SLC38A10: variants seen among roughly 807,000 people sequenced by gnomAD.
SLC38A10 encodes the protein Sodium-coupled neutral amino acid transporter 10.
SLC38A10 carries 53 observed loss-of-function variants against 81.0 expected under a neutral mutation model. That is an observed-to-expected ratio of 0.65 (90% CI 0.53 to 0.82). The LOEUF is 0.82. Ranked by LOEUF, SLC38A10 falls within the 40% of genes least tolerant of loss-of-function variation. SLC38A10 has a pLI of 0.00. For synonymous variants in SLC38A10, 665 were observed against 655.3 expected, an observed-to-expected ratio of 1.01 and a Z score of -0.23; for missense variants, 1,471 against 1,545.0, an observed-to-expected ratio of 0.95 and a Z score of 0.80.
chr17:81,283,097 C>T lies in SLC38A10; in HGVS notation c.357+312G>A, dbSNP rs190353085. On this transcript the variant is annotated intron_variant, in intron 4 of 15. Transcript: ENST00000374759. This position sits in a 1 kb window ranked among gnomAD's most constrained non-coding sequence, Gnocchi z 4.7. ...AGGCCGGGGATGCCTGAGGGCCTGG[C>T]CGCCTCTGCCCTCCAATGGGCAGCC... 6.6e-6 allele frequency among the ~76,000 whole-genome samples: 1 copy of T among 152,282 alleles called. No individual in the cohort carries two copies. Among genetic ancestry groups the T allele is most frequent in the South Asian group, 2.1e-4 (1 of 4,830 alleles).
chr17:81,281,562 G>A lies in SLC38A10; in HGVS notation c.501+627C>T, dbSNP rs1383728048. ...GAGGCTGAGGCGGGTGGGTAACAAG[G>A]TCAGGAGTTCGAGACCAGCCTGGCC... On this transcript the variant is annotated intron_variant, in intron 5 of 15. Transcript: ENST00000374759. This position sits in a 1 kb window ranked among gnomAD's most constrained non-coding sequence, Gnocchi z 5.3. 1.3e-5 allele frequency among the ~76,000 whole-genome samples: 2 copies of A among 152,108 alleles called. No individual in the cohort carries two copies. Among genetic ancestry groups the A allele is most frequent in the African/African-American group, 4.8e-5 (2 of 41,422 alleles).
intron 3 of SLC38A10, among the ~76,000 whole-genome samples, chr17:81,284,472 C>T (rs960396599): frequency 5.3e-5 from 8 of 152,154 alleles, no homozygotes; most frequent in African/African-American, 1.7e-4. Context: ...CCTAGAAGTG[C>T]AATCTCCCAG....
rs771641430 is a variant in SLC38A10, at chr17:81,245,863, G to A, written c.3053C>T (p.Pro1018Leu). 4 of 1,612,180 alleles carry A rather than the reference G, an allele frequency of 2.5e-6. No individual in the cohort carries two copies. The African/African-American group carries it at 5.3e-5, about 22-fold the overall frequency. The change falls in exon 16 of 16, where the codon CCA becomes CTA. Residue 1018 changes from proline (P) to leucine (L), a missense_variant. By Grantham distance (98) the Pro-to-Leu change is moderately conservative (BLOSUM62 -3). Around this residue, in one of 2 missense-constraint regions of SLC38A10, gnomAD observed 751 missense variants for 717.4 expected, o/e 1.05. Transcript: ENST00000374759. The stretch of plus-strand genomic sequence containing the variant: ...GACAGCTCGTTTGAGCCCCAGCTCT[G>A]GCTCTGGCCTCTGCCTGGGCTCCTG... ...AVQEPRQRPE[P>L]ELGLKRAVPG...
intron 8 of SLC38A10, among the ~76,000 whole-genome samples, chr17:81,275,009 GATCCT>G (rs1266569556): frequency 6.6e-6 from 1 of 152,292 alleles, no homozygotes; most frequent in East Asian, 1.9e-4. Context: ...TGGTTCAAGT[GATCCT>G]CCTGCCTCAG....
chr17:81,280,294 G>A (rs909514544), intron 6 of SLC38A10: 4 of 483,334 alleles, frequency 8.3e-6, no homozygotes, highest in East Asian at 4.2e-5. Flanking sequence ...CGAAGCGCTC[G>A]ACTCTGTGCA....
intron 13 of SLC38A10, 127 bp downstream of exon 13, chr17:81,252,068 C>T: frequency 7.4e-7 from 1 of 1,352,772 alleles, no homozygotes; most frequent in Admixed American, 2.6e-5. Flanking sequence ...GCTCCATTTG[C>T]ATGCTAATCT....
In SLC38A10 at chr17:81,252,530, T is replaced by G. The variant is rs1342126036; in HGVS notation, c.1610A>C (p.Gln537Pro). ...AGGKAPGVQG[Q>P]MAPPLPDSER... The stretch of plus-strand genomic sequence containing the variant: ...TGAGTCGGGCAGAGGCGGCGCCATC[T>G]GGCCCTGGACCCCTGGAGCCTTTCC... The change falls in exon 13 of 16, where the codon CAG becomes CCG. Residue 537 changes from glutamine (Q) to proline (P), a missense_variant. Around this residue, in one of 2 missense-constraint regions of SLC38A10, gnomAD observed 720 missense variants for 827.7 expected, o/e 0.87. Coordinates refer to ENST00000374759, the MANE Select transcript of SLC38A10 (RefSeq NM_001037984.3). 6.8e-6 allele frequency: 11 copies of G among 1,613,378 alleles called. No homozygotes were observed. Among genetic ancestry groups the G allele is most frequent in the Non-Finnish European group, 9.3e-6 (11 of 1,180,022 alleles).
At chr17:81,251,666 TG>T in intron 13 of SLC38A10, 54 bp from the exon 14 acceptor site, 2 of 1,432,830 alleles carry the variant, frequency 1.4e-6, no homozygotes, top group Non-Finnish European at 1.8e-6. Flanking sequence ...AGGGAGGGTT[TG>T]GGGGGTTGGG....
intron 6 of SLC38A10, among the ~76,000 whole-genome samples, chr17:81,279,025 G>C (rs117341939): frequency 1.3e-5 from 2 of 152,220 alleles, no homozygotes; most frequent in African/African-American, 4.8e-5. Flanking sequence ...CATGCTGAGC[G>C]CTGGCCCATG....
intron 14 of SLC38A10, 71 bp downstream of exon 14, chr17:81,251,422 A>G (rs765420374): frequency 3.7e-6 from 6 of 1,607,996 alleles, no homozygotes; most frequent in African/African-American, 2.7e-5. Flanking sequence ...CCTGGGCATC[A>G]CCCCAGGGCT....
At chr17:81,255,146 C>T (rs2062960395) in intron 11 of SLC38A10, among the ~76,000 whole-genome samples, 1 of 152,246 alleles carries the variant, frequency 6.6e-6, no homozygotes, top group Non-Finnish European at 1.5e-5. Flanking sequence ...CCGGGAACGC[C>T]ACGCCTCTCA....
Position 81,246,472 on chromosome 17 carries a change from G to A in SLC38A10, c.2444C>T (p.Ala815Val), listed in dbSNP as rs1351093228. Residue 815 changes from alanine to valine, a missense_variant, in exon 16 of 16, where the codon GCT (alanine) becomes GTT (valine). Physicochemically the swap from Ala to Val is moderately conservative, Grantham distance 64. Around this residue, in one of 2 missense-constraint regions of SLC38A10, gnomAD observed 751 missense variants for 717.4 expected, o/e 1.05. Coordinates refer to ENST00000374759, the MANE Select transcript of SLC38A10 (RefSeq NM_001037984.3). Reference protein sequence around the residue: ...HSEGPVGRDPAGPPDGGPDTE... With the variant: ...HSEGPVGRDPVGPPDGGPDTE... ...GTCAGGGCCGCCGTCAGGAGGGCCAGCAGGGTCTCTGCCCACAGGCCCCTC... is the reference window on the plus strand; with the variant it reads ...GTCAGGGCCGCCGTCAGGAGGGCCAACAGGGTCTCTGCCCACAGGCCCCTC... 5.7e-6 allele frequency: 9 copies of A among 1,571,200 alleles called. No homozygotes were observed. The highest frequency in any genetic ancestry group is 1.4e-5 in the African/African-American group (1 of 73,378).
intron 10 of SLC38A10, among the ~76,000 whole-genome samples, chr17:81,267,711 A>G (rs1372565961): frequency 2.0e-5 from 3 of 152,156 alleles, no homozygotes; most frequent in African/African-American, 7.2e-5. Context: ...TTCCTATTTA[A>G]AACAATGGTA....
At position 81,265,791 on chromosome 17, in the gene SLC38A10, C is replaced by A. The variant is rs891376464; in HGVS notation, c.1131+5127G>T. Among the ~76,000 whole-genome samples, 1 of 152,224 alleles carries A rather than the reference C, an allele frequency of 6.6e-6. No homozygotes were observed. The highest frequency in any genetic ancestry group is 1.5e-5 in the Non-Finnish European group (1 of 68,030). ...CATCTCCGTACCTAAGGAAACAGGG[C>A]ATGCTGAGCGGATGGCACACGGTGG... is the stretch of plus-strand genomic sequence containing the variant. On this transcript the variant is annotated intron_variant, in intron 10 of 15. Transcript: ENST00000374759. This position sits in a 1 kb window ranked among gnomAD's most constrained non-coding sequence, Gnocchi z 4.2.
intron 5 of SLC38A10, 33 bp from the exon 6 acceptor site, chr17:81,280,766 G>A: frequency 6.3e-7 from 1 of 1,588,772 alleles, no homozygotes; most frequent in African/African-American, 1.3e-5. Context: ...GCACGGGGCA[G>A]GTCAGGACGC....
At position 81,276,134 on chromosome 17, in the gene SLC38A10, G is replaced by A. The variant is rs773725696; in HGVS notation, c.747C>T (p.Tyr249=). The change falls in exon 8 of 16, where the codon TAC becomes TAT. Residue 249 remains tyrosine, a synonymous_variant. Transcript: ENST00000374759. This position sits in a 1 kb window ranked among gnomAD's most constrained non-coding sequence, Gnocchi z 4.7. ...CGGCCGTGGCCTCGGTGAAGCTGAC[G>A]TAGCCGAAAAACCCCACCTGTTGGA... ...TFYVMVGFFG[Y]VSFTEATAGN... The A allele has an allele frequency of 5.4e-5, 87 of 1,612,250 alleles. No individual in the cohort carries two copies. Among genetic ancestry groups the A allele is most frequent in the Non-Finnish European group, 6.4e-5 (75 of 1,179,046 alleles).
Position 81,282,284 on chromosome 17 carries a change from T to G in SLC38A10, c.406A>C (p.Ile136Leu), listed in dbSNP as rs146598954. 1 of 1,613,386 alleles carries G rather than the reference T, an allele frequency of 6.2e-7. No individual in the cohort carries two copies. Among genetic ancestry groups the G allele is most frequent in the African/African-American group, 1.3e-5 (1 of 75,054 alleles). ...CGCTGCAGGCTGAGCGGGAGCACGA[T>G]GCACAGCGACACGGCGAACAGCAGG... Reference protein sequence around the residue: ...MFLLFAVSLCIVLPLSLQRNM... With the variant: ...MFLLFAVSLCLVLPLSLQRNM... The change falls in exon 5 of 16, where the codon ATC (isoleucine) becomes CTC (leucine). Residue 136 changes from isoleucine (I) to leucine (L), a missense_variant. This residue lies in a region of SLC38A10 where 720 missense variants were observed against 827.7 expected (regional missense o/e 0.87). Transcript: ENST00000374759.
At chr17:81,248,502 T>C (rs1398937528) in intron 14 of SLC38A10, among the ~76,000 whole-genome samples, 1 of 152,252 alleles carries the variant, frequency 6.6e-6, no homozygotes, top group East Asian at 1.9e-4. Flanking sequence ...GCTTCAACAC[T>C]GGCCAGTTAT....
intron 13 of SLC38A10, chr17:81,251,893 C>T (rs375147512): frequency 3.5e-5 from 18 of 516,718 alleles, no homozygotes; most frequent in Middle Eastern, 1.0e-3. Context: ...CACTTAACAA[C>T]GTGTTACCTG....
Sources: gnomAD v4.1 joint callset for allele counts (sites outside exome capture counted in the v4.1 genomes callset) on GRCh38, gnomAD v4.1.1 for gene constraint, gnomAD v4.1.1 regional missense constraint, Gnocchi (gnomAD v3.1) non-coding constraint, MANE v1.5 for transcripts, NCBI Gene and HGNC (gene_info 2026-07-23, HGNC 2026-07-21) for gene names.